Variants in NELL2 observed in about 807,000 individuals in gnomAD.
NELL2 encodes the protein protein kinase C-binding protein NELL2.
A neutral mutation model predicts 109.6 loss-of-function variants in NELL2; 41 were observed. The observed-to-expected ratio is 0.37, with a 90% CI of 0.29 to 0.49. The LOEUF is 0.49. NELL2 is among the 20% of genes least tolerant of loss of function. The pLI is 0.98. For missense variants in NELL2, 900 were observed against 1,008.3 expected, an observed-to-expected ratio of 0.89 and a Z score of 1.45; for synonymous variants, 355 against 344.7, an observed-to-expected ratio of 1.03 and a Z score of -0.33.
At chr12:44,541,106 C>T (rs1196556155) in intron 15 of NELL2, among the ~76,000 whole-genome samples, 1 of 151,284 alleles carries the variant, frequency 6.6e-6, no homozygotes, top group Admixed American at 6.6e-5. Context: ...AAAAAATTAG[C>T]CAGGTGTGGT....
Position 44,532,679 on chromosome 12 carries a change from C to A in NELL2, c.1706G>T (p.Arg569Leu). 1 of 1,613,418 alleles carries A rather than the reference C, an allele frequency of 6.2e-7. No homozygotes were observed. Among genetic ancestry groups the A allele is most frequent in the Non-Finnish European group, 8.5e-7 (1 of 1,179,582 alleles). ...CSDGFVQCDS[R>L]ANCINLPGWY... is the part of the protein sequence containing the mutation. ...TCCAGGCAGGTTAATGCAATTAGCACGACTGTCACATTGAACAAAACCATC... is the reference window on the plus strand; with the variant it reads ...TCCAGGCAGGTTAATGCAATTAGCAAGACTGTCACATTGAACAAAACCATC... Residue 569 changes from arginine (R) to leucine (L), a missense_variant, in exon 16 of 20, where the codon CGT (arginine) becomes CTT (leucine). Physicochemically the swap from Arg to Leu is moderately radical, Grantham distance 102. Around this residue, in one of 4 missense-constraint regions of NELL2, gnomAD observed 333 missense variants for 432.3 expected, o/e 0.77. Coordinates refer to ENST00000429094, the MANE Select transcript of NELL2 (RefSeq NM_001145108.2).
At chr12:44,531,084 C>G (rs1452514282) in intron 16 of NELL2, among the ~76,000 whole-genome samples, 1 of 152,158 alleles carries the variant, frequency 6.6e-6, no homozygotes, top group Non-Finnish European at 1.5e-5. Flanking sequence ...TATTTTTCTA[C>G]TCACATCCAG....
chr12:44,539,814 A>G (rs1360741922), intron 15 of NELL2, among the ~76,000 whole-genome samples: 1 of 152,222 alleles, frequency 6.6e-6, no homozygotes, highest in African/African-American at 2.4e-5. Context: ...TTAGAAAAGA[A>G]CTAGACACAT....
At chr12:44,536,007 T>C (rs1441793317) in intron 15 of NELL2, among the ~76,000 whole-genome samples, 2 of 151,964 alleles carry the variant, frequency 1.3e-5, no homozygotes, top group African/African-American at 2.4e-5. Flanking sequence ...ATAATATATA[T>C]AACTTCATAT....
At chr12:44,633,785 C>T (rs1455492188) in intron 13 of NELL2, among the ~76,000 whole-genome samples, 1 of 152,064 alleles carries the variant, frequency 6.6e-6, no homozygotes, top group Non-Finnish European at 1.5e-5. Flanking sequence ...TCCTAAATAT[C>T]CAACCTTTTT....
At chr12:44,885,925 G>C (rs1256369569) in intron 1 of NELL2, among the ~76,000 whole-genome samples, 2 of 151,684 alleles carry the variant, frequency 1.3e-5, no homozygotes, top group East Asian at 3.9e-4. Flanking sequence ...TTTAGCATAA[G>C]GCTAGACATA....
chr12:44,644,603 TGTATGTATATATATATATATATAC>T (rs1947002968), intron 13 of NELL2, among the ~76,000 whole-genome samples: 1 of 88,072 alleles, frequency 1.1e-5, no homozygotes, highest in African/African-American at 5.6e-5. Context: ...TATATATATA[TGTATGTATATATATATATATATAC>T]ATACATATAT....
At chr12:44,652,224 T>G (rs895605284) in intron 13 of NELL2, among the ~76,000 whole-genome samples, 4 of 152,210 alleles carry the variant, frequency 2.6e-5, no homozygotes, top group African/African-American at 4.8e-5. Flanking sequence ...TCTACATTTT[T>G]TATAGTTTCC....
chr12:44,876,739 C>G (rs1191843150), upstream of NELL2: 10 of 1,527,024 alleles, frequency 6.5e-6, no homozygotes, highest in African/African-American at 1.1e-4. Context: ...CACTCGTGCA[C>G]TGGGCTCCGG....
intron 9 of NELL2, among the ~76,000 whole-genome samples, chr12:44,726,922 A>G (rs1368173833): frequency 6.8e-6 from 1 of 147,910 alleles, no homozygotes; most frequent in Non-Finnish European, 1.5e-5. Flanking sequence ...CATTAAGTGT[A>G]CAGGCTTAGC....
chr12:44,683,486 C>G (rs1948601447), intron 12 of NELL2, among the ~76,000 whole-genome samples: 2 of 151,946 alleles, frequency 1.3e-5, no homozygotes, highest in East Asian at 3.9e-4. Context: ...GAGGGCATCC[C>G]TGTCTTGTGC....
intron 13 of NELL2, among the ~76,000 whole-genome samples, chr12:44,634,934 C>T (rs1337172913): frequency 1.3e-5 from 2 of 152,076 alleles, no homozygotes. Flanking sequence ...CATCTATGTC[C>T]CTGCAAAGAA....
chr12:44,889,324 G>C (rs944279670), intron 1 of NELL2, among the ~76,000 whole-genome samples: 6 of 151,918 alleles, frequency 3.9e-5, no homozygotes, highest in African/African-American at 1.5e-4. Flanking sequence ...ACAGCATTCC[G>C]GGCACAGGAC....
intron 2 of NELL2, among the ~76,000 whole-genome samples, chr12:44,850,763 G>GGCAATACCATTAAAGCCCTT (rs1944510150): frequency 6.6e-6 from 1 of 152,048 alleles, no homozygotes; most frequent in Non-Finnish European, 1.5e-5. Flanking sequence ...TGAATAAATA[G>GGCAATACCATTAAAGCCCTT]GCAATACCAT....
upstream of NELL2, among the ~76,000 whole-genome samples, chr12:44,914,398 C>T (rs564488623): frequency 1.3e-5 from 2 of 152,284 alleles, no homozygotes; most frequent in East Asian, 1.9e-4. Flanking sequence ...CTGCAGGTGT[C>T]CTCTTAGCTC....
intron 9 of NELL2, among the ~76,000 whole-genome samples, chr12:44,764,707 T>G (rs1018968125): frequency 1.3e-5 from 2 of 152,208 alleles, no homozygotes; most frequent in East Asian, 1.9e-4. Context: ...GTAACCTCCC[T>G]AAGCTTCACT....
intron 15 of NELL2, among the ~76,000 whole-genome samples, chr12:44,567,628 G>A (rs1943709892): frequency 1.3e-5 from 2 of 152,140 alleles, no homozygotes; most frequent in African/African-American, 4.8e-5. Context: ...AAAAAATAAA[G>A]AGGACACAGG....
At chr12:44,629,052 T>G (rs753989983) in intron 13 of NELL2, among the ~76,000 whole-genome samples, 1 of 152,320 alleles carries the variant, frequency 6.6e-6, no homozygotes, top group East Asian at 1.9e-4. Flanking sequence ...TGATATTATG[T>G]AAAGTGTATC....
At chr12:44,518,559 T>C (rs1393411279) in intron 19 of NELL2, among the ~76,000 whole-genome samples, 1 of 152,212 alleles carries the variant, frequency 6.6e-6, no homozygotes, top group East Asian at 1.9e-4. Flanking sequence ...TCAAATTCTT[T>C]ACCCCAGAAA....
Sources: allele counts gnomAD v4.1 joint callset (sites outside exome capture counted in the v4.1 genomes callset), GRCh38; gene constraint gnomAD v4.1.1; regional missense constraint gnomAD v4.1.1; transcripts MANE v1.5; gene names NCBI Gene and HGNC (gene_info 2026-07-23, HGNC 2026-07-21).